IFT80: variants seen among roughly 807,000 people sequenced by gnomAD.
IFT80 encodes the protein intraflagellar transport protein 80 homolog.
A neutral mutation model predicts 107.9 loss-of-function variants in IFT80; 79 were observed. The ratio of observed to expected loss-of-function variants is 0.73; its 90% CI spans 0.61 to 0.88. IFT80 has a LOEUF of 0.88. IFT80 is among the 40% of genes least tolerant of loss of function. IFT80 has a pLI of 0.00. For synonymous variants in IFT80, 299 were observed against 300.9 expected (o/e 0.99, Z 0.07); for missense variants, 797 against 914.2 (o/e 0.87, Z 1.65).
intron 8 of IFT80, among the ~76,000 whole-genome samples, chr3:160,320,386 A>G (rs1450193466): frequency 1.3e-5 from 2 of 151,912 alleles, no homozygotes; most frequent in East Asian, 3.8e-4. Context: ...GCTCTGACCC[A>G]CATCTTAAAT....
intron 1 of IFT80, among the ~76,000 whole-genome samples, chr3:160,394,628 A>G (rs997120419): frequency 2.0e-5 from 3 of 152,190 alleles, no homozygotes; most frequent in South Asian, 2.1e-4. Context: ...GGGCGCCTAT[A>G]ATCCCAGCTA....
intron 9 of IFT80, among the ~76,000 whole-genome samples, chr3:160,315,741 AG>A (rs1389564034): frequency 6.6e-6 from 1 of 151,774 alleles, no homozygotes; most frequent in Non-Finnish European, 1.5e-5. Flanking sequence ...GTGGGAGGGG[AG>A]GGGAGAAGAA....
intron 13 of IFT80, among the ~76,000 whole-genome samples, chr3:160,283,674 GTCA>G (rs1248010015): frequency 2.0e-5 from 3 of 151,936 alleles, no homozygotes; most frequent in East Asian, 1.9e-4. Flanking sequence ...GCTTATCATC[GTCA>G]TCATCATCAT....
intron 8 of IFT80, among the ~76,000 whole-genome samples, chr3:160,337,609 G>C (rs1254988890): frequency 6.6e-6 from 1 of 152,010 alleles, no homozygotes; most frequent in Non-Finnish European, 1.5e-5. Context: ...AGGTGACAGG[G>C]TGAGACTCTG....
chr3:160,356,603 C>G (rs1008411850), intron 7 of IFT80, among the ~76,000 whole-genome samples: 2 of 152,202 alleles, frequency 1.3e-5, no homozygotes, highest in Non-Finnish European at 2.9e-5. Flanking sequence ...TCACTGCAGT[C>G]TTGATCTCCT....
intron 10 of IFT80, among the ~76,000 whole-genome samples, chr3:160,307,070 A>T (rs185294664): frequency 1.3e-5 from 2 of 152,324 alleles, no homozygotes; most frequent in East Asian, 3.9e-4. Context: ...TAGTTGAGGA[A>T]TCAACTGGTA....
At chr3:160,306,714 A>C (rs1417009222) in intron 10 of IFT80, among the ~76,000 whole-genome samples, 1 of 152,248 alleles carries the variant, frequency 6.6e-6, no homozygotes, top group East Asian at 1.9e-4. Flanking sequence ...GCAGGTTTAC[A>C]CATAATGAAT....
In IFT80 at chr3:160,367,112, AT is replaced by A. The variant is rs372362049; in HGVS notation, c.440-961del. Among the ~76,000 whole-genome samples, 717 of 151,898 alleles carry A rather than the reference AT, an allele frequency of 4.7e-3. 5 individuals carry two copies. Among genetic ancestry groups the A allele is most frequent in the African/African-American group, 0.016 (664 of 41,450 alleles). ...ATGTTGTAGCAAATTATTGAATCTC[AT>A]TTTTTTTATGGCTGAATAGTACTCC... On this transcript the variant is annotated intron_variant, in intron 5 of 19. Coordinates refer to ENST00000326448, the MANE Select transcript of IFT80 (RefSeq NM_020800.3).
At chr3:160,350,437 T>C (rs530604856) in intron 8 of IFT80, among the ~76,000 whole-genome samples, 1 of 147,586 alleles carries the variant, frequency 6.8e-6, no homozygotes, top group Non-Finnish European at 1.5e-5. Context: ...AAAAAGGATA[T>C]GCAGAAAGTA....
intron 8 of IFT80, among the ~76,000 whole-genome samples, chr3:160,341,429 A>T (rs944445959): frequency 2.0e-5 from 3 of 152,064 alleles, no homozygotes; most frequent in African/African-American, 7.2e-5. Flanking sequence ...GTGGTACTGG[A>T]TTATTAAAGA....
At chr3:160,371,905 A>G (rs1255625338) in intron 5 of IFT80, among the ~76,000 whole-genome samples, 1 of 152,208 alleles carries the variant, frequency 6.6e-6, no homozygotes, top group Admixed American at 6.5e-5. Flanking sequence ...AACTAGAACA[A>G]TGACACAAAA....
intron 1 of IFT80, among the ~76,000 whole-genome samples, chr3:160,398,293 T>C (rs1419834089): frequency 2.6e-5 from 4 of 152,140 alleles, no homozygotes; most frequent in Non-Finnish European, 5.9e-5. Context: ...GACTTCATGC[T>C]CTTCCAGGGA....
intron 8 of IFT80, among the ~76,000 whole-genome samples, chr3:160,336,396 T>C (rs377750594): frequency 6.6e-6 from 1 of 152,222 alleles, no homozygotes; most frequent in Non-Finnish European, 1.5e-5. Flanking sequence ...AATTGCTTTC[T>C]AAAAAGTTAA....
In IFT80 at chr3:160,285,779, A is replaced by G. The variant is rs182351682; in HGVS notation, c.1380+25T>C. The G allele has an allele frequency of 2.8e-4, 404 of 1,458,724 alleles. 1 individual carries two copies. Among genetic ancestry groups the G allele is most frequent in the Non-Finnish European group, 3.6e-4 (380 of 1,042,250 alleles). 90.4% of individuals were successfully genotyped at this position (1,458,724 alleles called of 1,614,324 possible). ...AAATAAATAAATAGTGGCTATTTACATTAGAAGTAGTTAATGTCCATTACC... is the reference window on the plus strand; with the variant it reads ...AAATAAATAAATAGTGGCTATTTACGTTAGAAGTAGTTAATGTCCATTACC... On this transcript the variant is annotated intron_variant, in intron 13 of 19. Transcript: ENST00000326448.
intron 9 of IFT80, among the ~76,000 whole-genome samples, chr3:160,319,495 T>C (rs1718049771): frequency 6.6e-6 from 1 of 152,046 alleles, no homozygotes; most frequent in African/African-American, 2.4e-5. Flanking sequence ...CTTCCCTCAC[T>C]GAATCCACAT....
intron 8 of IFT80, among the ~76,000 whole-genome samples, chr3:160,331,904 G>A (rs779434356): frequency 2.0e-5 from 3 of 152,034 alleles, no homozygotes; most frequent in Non-Finnish European, 2.9e-5. Context: ...TGATCCTCCC[G>A]CTTTGGCCTC....
At chr3:160,367,062 TAATG>T (rs1721920413) in intron 5 of IFT80, among the ~76,000 whole-genome samples, 1 of 152,090 alleles carries the variant, frequency 6.6e-6, no homozygotes, top group South Asian at 2.1e-4. Context: ...TCACTCAACA[TAATG>T]AATGAACTAC....
At chr3:160,291,478 T>C (rs1269026263) in intron 12 of IFT80, among the ~76,000 whole-genome samples, 1 of 152,230 alleles carries the variant, frequency 6.6e-6, no homozygotes, top group Non-Finnish European at 1.5e-5. Context: ...CAGATTCTGT[T>C]GACACTCGGA....
At chr3:160,357,042 A>T (rs1271726035) in intron 7 of IFT80, among the ~76,000 whole-genome samples, 8 of 152,186 alleles carry the variant, frequency 5.3e-5, no homozygotes, top group Non-Finnish European at 1.5e-5. Flanking sequence ...GTCACGGTAA[A>T]ATTAGGGGCT....
Sources: allele counts gnomAD v4.1 joint callset (sites outside exome capture counted in the v4.1 genomes callset), GRCh38; gene constraint gnomAD v4.1.1; transcripts MANE v1.5; gene names NCBI Gene and HGNC (gene_info 2026-07-23, HGNC 2026-07-21).